TOX: variants seen among roughly 807,000 people sequenced by gnomAD.
TOX encodes the protein thymocyte selection associated high mobility group box.
A neutral mutation model predicts 53.7 loss-of-function variants in TOX; 11 were observed. That is an observed-to-expected ratio of 0.20 (90% CI 0.13 to 0.34). The LOEUF (loss-of-function observed/expected upper bound fraction) is 0.34, where lower values mean the gene tolerates loss of function less well. TOX is among the 10% of genes least tolerant of loss of function. The pLI is 1.00. For synonymous variants in TOX, 225 were observed against 245.3 expected, an observed-to-expected ratio of 0.92 and a Z score of 0.77; for missense variants, 570 against 664.6, an observed-to-expected ratio of 0.86 and a Z score of 1.56.
At chr8:58,933,125 CCTTT>C (rs1812286035) in intron 3 of TOX, among the ~76,000 whole-genome samples, 1 of 152,156 alleles carries the variant, frequency 6.6e-6, no homozygotes. Context: ...CTAAACGAAT[CCTTT>C]CTTTGAGGCC....
At chr8:59,053,640 A>G (rs1177205513) in intron 1 of TOX, among the ~76,000 whole-genome samples, 2 of 152,218 alleles carry the variant, frequency 1.3e-5, no homozygotes, top group African/African-American at 4.8e-5. Context: ...TTATTGCTCA[A>G]GAGTCACTGC....
chr8:58,902,765 T>C (rs1049799234), intron 3 of TOX, among the ~76,000 whole-genome samples: 1 of 152,232 alleles, frequency 6.6e-6, no homozygotes. Flanking sequence ...TATGTTGTTC[T>C]TTGCTTCTTC....
chr8:58,914,848 C>T (rs1411569953), intron 3 of TOX, among the ~76,000 whole-genome samples: 11 of 151,848 alleles, frequency 7.2e-5, no homozygotes, highest in Non-Finnish European at 1.3e-4. Flanking sequence ...TGTGCGCGCA[C>T]CGTGCGCGAG....
At chr8:58,985,408 A>G (rs1322883241) in intron 1 of TOX, among the ~76,000 whole-genome samples, 2 of 152,200 alleles carry the variant, frequency 1.3e-5, no homozygotes, top group Admixed American at 1.3e-4. Flanking sequence ...AATAAAAGAC[A>G]AATACTGTAT....
intron 1 of TOX, among the ~76,000 whole-genome samples, chr8:59,045,516 T>G (rs1803666022): frequency 6.6e-6 from 1 of 152,232 alleles, no homozygotes; most frequent in African/African-American, 2.4e-5. Flanking sequence ...CCGTGGTTGT[T>G]ATTTGAATAA....
intron 3 of TOX, among the ~76,000 whole-genome samples, chr8:58,894,196 C>T (rs1401490680): frequency 6.6e-6 from 1 of 152,186 alleles, no homozygotes; most frequent in East Asian, 1.9e-4. Flanking sequence ...TGCCATGCGA[C>T]AATGGGTCAG....
chr8:58,984,520 C>T (rs544843830), intron 1 of TOX, among the ~76,000 whole-genome samples: 29 of 152,178 alleles, frequency 1.9e-4, no homozygotes, highest in Middle Eastern at 3.4e-3. Flanking sequence ...AGGACGGGCG[C>T]GGTGGCTCAC....
In TOX at chr8:58,807,653, T is replaced by G; in HGVS notation, c.*94A>C. 6.8e-7 allele frequency: 1 copy of G among 1,464,988 alleles called. No individual in the cohort carries two copies. The highest frequency in any genetic ancestry group is 9.5e-7 in the Non-Finnish European group (1 of 1,054,892). The allele number at this position is 1,464,988 out of a possible 1,614,324, so 90.7% of individuals were successfully genotyped here. A position where few individuals can be genotyped will look rare whatever the true frequency, so the allele number is the denominator to read the frequency against. On this transcript the variant is annotated 3_prime_UTR_variant, in exon 9 of 9. Coordinates refer to ENST00000361421, the MANE Select transcript of TOX (RefSeq NM_014729.3). Reference sequence around the variant, plus strand: ...TAAGTGCTTAGCAACTTGTATTTTCTAATAAAATGGAGAACTGCCTTGACT... The same window carrying G: ...TAAGTGCTTAGCAACTTGTATTTTCGAATAAAATGGAGAACTGCCTTGACT...
chr8:58,852,733 G>A (rs1810846057), intron 3 of TOX, among the ~76,000 whole-genome samples: 1 of 152,136 alleles, frequency 6.6e-6, no homozygotes, highest in Non-Finnish European at 1.5e-5. Flanking sequence ...CCTGAGGGGA[G>A]CTGAGGAATT....
intron 5 of TOX, among the ~76,000 whole-genome samples, chr8:58,830,110 T>C (rs999886286): frequency 4.6e-5 from 7 of 152,182 alleles, no homozygotes; most frequent in African/African-American, 1.4e-4. Context: ...ATATTAGTAT[T>C]TAGTTGAGTT....
intron 6 of TOX, 88 bp downstream of exon 6, chr8:58,826,734 A>T: frequency 8.8e-7 from 1 of 1,142,656 alleles, no homozygotes; most frequent in Non-Finnish European, 1.2e-6. Context: ...CAGAATCGTT[A>T]AAGTGATCTT....
At chr8:58,873,921 C>T (rs1364300436) in intron 3 of TOX, among the ~76,000 whole-genome samples, 1 of 129,378 alleles carries the variant, frequency 7.7e-6, no homozygotes, top group Non-Finnish European at 1.6e-5. Flanking sequence ...GTCATTGTCA[C>T]TTCTTGAAAG....
At chr8:58,812,780 A>T (rs992709478) in intron 7 of TOX, among the ~76,000 whole-genome samples, 1 of 152,204 alleles carries the variant, frequency 6.6e-6, no homozygotes, top group African/African-American at 2.4e-5. Context: ...ACCACATGTT[A>T]GGGGTTCAAT....
intron 1 of TOX, among the ~76,000 whole-genome samples, chr8:59,094,792 C>A (rs1318185360): frequency 6.6e-6 from 1 of 152,102 alleles, no homozygotes. Context: ...TTAAAGTTAT[C>A]TAAGCCCCCA....
chr8:58,996,640 G>T (rs756834695), intron 1 of TOX, among the ~76,000 whole-genome samples: 1 of 151,904 alleles, frequency 6.6e-6, no homozygotes, highest in Admixed American at 6.6e-5. Context: ...GGTACTTTTT[G>T]TACTAAATTA....
chr8:59,110,922 G>A (rs1272033488), intron 1 of TOX, among the ~76,000 whole-genome samples: 1 of 152,104 alleles, frequency 6.6e-6, no homozygotes, highest in Non-Finnish European at 1.5e-5. Flanking sequence ...GAAGAAATGG[G>A]CTGAGAATGC....
chr8:59,100,826 T>TA (rs1337431626), intron 1 of TOX, among the ~76,000 whole-genome samples: 3 of 151,910 alleles, frequency 2.0e-5, no homozygotes, highest in Non-Finnish European at 4.4e-5. Flanking sequence ...ATTAAGGCAT[T>TA]AAAAAAAAGA....
chr8:58,888,523 A>G (rs557800042), intron 3 of TOX, among the ~76,000 whole-genome samples: 2 of 152,204 alleles, frequency 1.3e-5, no homozygotes, highest in South Asian at 4.1e-4. Flanking sequence ...ATAGAATACT[A>G]CCAGGATATT....
chr8:58,977,667 G>A (rs1813126648), intron 1 of TOX, among the ~76,000 whole-genome samples: 1 of 152,128 alleles, frequency 6.6e-6, no homozygotes, highest in Admixed American at 6.5e-5. Flanking sequence ...GGCCATTGTA[G>A]GGCTATTAAT....
Sources: allele counts gnomAD v4.1 joint callset (sites outside exome capture counted in the v4.1 genomes callset), GRCh38; gene constraint gnomAD v4.1.1; transcripts MANE v1.5; gene names NCBI Gene and HGNC (gene_info 2026-07-23, HGNC 2026-07-21).